Variants in TSGA13 observed in about 807,000 individuals in gnomAD.
TSGA13 encodes the protein testis-specific gene 13 protein.
A neutral mutation model predicts 35.1 loss-of-function variants in TSGA13; 37 were observed. The ratio of observed to expected loss-of-function variants is 1.05; its 90% CI spans 0.81 to 1.39. TSGA13 has a LOEUF of 1.39. TSGA13 is among the 40% of genes most tolerant of loss of function. The pLI is 0.00. For synonymous variants in TSGA13, 124 were observed against 121.2 expected (o/e 1.02, Z -0.15); for missense variants, 338 against 328.5 (o/e 1.03, Z -0.22).
At chr7:130,684,462 G>T (rs1208075566) in intron 2 of TSGA13, among the ~76,000 whole-genome samples, 1 of 152,184 alleles carries the variant, frequency 6.6e-6, no homozygotes, top group Non-Finnish European at 1.5e-5. Context: ...CTTCCTTGGA[G>T]ATAGTTCCAT....
At chr7:130,685,989 G>T (rs1187710990) in intron 1 of TSGA13, among the ~76,000 whole-genome samples, 1 of 152,122 alleles carries the variant, frequency 6.6e-6, no homozygotes, top group Non-Finnish European at 1.5e-5. Flanking sequence ...ATTTGTCGTT[G>T]TTAAGTAGGA....
Position 130,679,016 on chromosome 7 carries a change from G to C in TSGA13, c.387+139C>G, listed in dbSNP as rs1796474363. The C allele has an allele frequency of 4.7e-5, 33 of 699,590 alleles. No individual in the cohort carries two copies. The South Asian group carries it at 6.0e-4, about 13-fold the overall frequency. The allele number at this position is 699,590 out of a possible 1,614,324, so 43.3% of individuals were successfully genotyped here. A position where few individuals can be genotyped will look rare whatever the true frequency, so the allele number is the denominator to read the frequency against. ...CAGTCCGGCCTGGGTAACAGAGTGA[G>C]ACCCTATCTCAAACAAACAAACAAA... On this transcript the variant is annotated intron_variant, in intron 5 of 7. Transcript: ENST00000356588.
intron 4 of TSGA13, among the ~76,000 whole-genome samples, chr7:130,680,367 G>A (rs1270425775): frequency 6.6e-5 from 10 of 152,038 alleles, no homozygotes; most frequent in South Asian, 4.1e-4. Context: ...TTAGCCAGGC[G>A]TAGTGGGGGG....
chr7:130,677,075 G>A (rs1796429957), intron 5 of TSGA13, among the ~76,000 whole-genome samples: 1 of 152,004 alleles, frequency 6.6e-6, no homozygotes, highest in Non-Finnish European at 1.5e-5. Context: ...TGTATTTTTA[G>A]TAGAGACGGG....
In TSGA13 at chr7:130,672,789, T is replaced by C. The variant is rs1796310158; in HGVS notation, c.475A>G (p.Ile159Val). 2 of 1,614,122 alleles carry C rather than the reference T, an allele frequency of 1.2e-6. No homozygotes were observed. The highest frequency in any genetic ancestry group is 1.7e-6 in the Non-Finnish European group (2 of 1,179,980). The change falls in exon 6 of 8, where the codon ATC (isoleucine) becomes GTC (valine). Residue 159 changes from isoleucine (I) to valine (V), a missense_variant. Ile to Val is a conservative substitution (Grantham distance 29). Coordinates refer to ENST00000356588, the MANE Select transcript of TSGA13 (RefSeq NM_052933.4). ...KKKLRSKLKP[I>V]FPLILSDDPT... ...TCATCCGACAGTATCAAAGGGAAGA[T>C]TGGTTTCAGCTTAGATCTTAACTTT...
chr7:130,668,755 C>T lies in TSGA13; in HGVS notation c.*259G>A. 1.4e-6 allele frequency: 2 copies of T among 1,448,342 alleles called. No individual in the cohort carries two copies. Among genetic ancestry groups the T allele is most frequent in the South Asian group, 2.6e-5 (2 of 75,548 alleles). The allele number at this position is 1,448,342 out of a possible 1,614,324, so 89.7% of individuals were successfully genotyped here. ...CGGAAGAGGCTGCAGGAAGGCCGGC[C>T]CCGCGCTCTCACGCCGGTTGGGCCG... On this transcript the variant is annotated 3_prime_UTR_variant, in exon 8 of 8. Transcript: ENST00000356588.
chr7:130,684,947 T>G (rs1233587744), intron 2 of TSGA13, among the ~76,000 whole-genome samples: 1 of 152,210 alleles, frequency 6.6e-6, no homozygotes, highest in Non-Finnish European at 1.5e-5. Context: ...TAGAACTATA[T>G]GAAAAGCGCT....
At chr7:130,670,893 C>T (rs530033903) in intron 7 of TSGA13, among the ~76,000 whole-genome samples, 1 of 152,302 alleles carries the variant, frequency 6.6e-6, no homozygotes, top group East Asian at 1.9e-4. Context: ...TCCCAAACTG[C>T]TAGGATTACG....
intron 7 of TSGA13, among the ~76,000 whole-genome samples, chr7:130,670,336 AGAC>A (rs1554462778): frequency 6.6e-6 from 1 of 152,206 alleles, no homozygotes; most frequent in Non-Finnish European, 1.5e-5. Context: ...GATGGCTGGC[AGAC>A]GGGTTGAGCA....
At chr7:130,674,812 A>G (rs984618692) in intron 5 of TSGA13, among the ~76,000 whole-genome samples, 2 of 152,184 alleles carry the variant, frequency 1.3e-5, no homozygotes, top group African/African-American at 2.4e-5. Flanking sequence ...ATGTCTTTTC[A>G]ATTCTGAACT....
At chr7:130,679,817 C>T (rs868947063) in intron 4 of TSGA13, among the ~76,000 whole-genome samples, 82 of 152,292 alleles carry the variant, frequency 5.4e-4, no homozygotes, top group African/African-American at 1.7e-3. Flanking sequence ...AGTTATCACA[C>T]GCAGCCCTAA....
chr7:130,669,051 G>T lies in TSGA13; in HGVS notation c.791C>A (p.Pro264Gln). Residue 264 changes from proline to glutamine, a missense_variant, in exon 8 of 8, where the codon CCG (proline) becomes CAG (glutamine). Physicochemically the swap from Pro to Gln is moderately conservative, Grantham distance 76. Transcript: ENST00000356588. The part of the protein sequence containing the change: ...GESAFRNGRA[P>Q]QWIIKKATVI... ...CGTGGCCTTTTTGATAATCCACTGC[G>T]GGGCCCTCCCGTTGCGGAAGGCGCT... 6.2e-7 allele frequency: 1 copy of T among 1,614,178 alleles called. No individual in the cohort carries two copies. The highest frequency in any genetic ancestry group is 8.5e-7 in the Non-Finnish European group (1 of 1,180,034).
At position 130,671,792 on chromosome 7, in the gene TSGA13, A is replaced by T. The variant is rs781887243; in HGVS notation, c.531-4T>A. 1.9e-6 allele frequency: 3 copies of T among 1,573,946 alleles called. No individual in the cohort carries two copies. The highest frequency in any genetic ancestry group is 2.6e-6 in the Non-Finnish European group (3 of 1,155,798). ...GAAATCATTGTCAGTGGAAAACCTTAACAAAGAAAGTTCTTTGTTTAGTAG... is the reference window on the plus strand; with the variant it reads ...GAAATCATTGTCAGTGGAAAACCTTTACAAAGAAAGTTCTTTGTTTAGTAG... On this transcript the variant is annotated splice_region_variant and splice_polypyrimidine_tract_variant and intron_variant, in intron 6 of 7. Transcript: ENST00000356588.
chr7:130,678,457 TC>T (rs1473919055), intron 5 of TSGA13, among the ~76,000 whole-genome samples: 1 of 152,176 alleles, frequency 6.6e-6, no homozygotes, highest in Non-Finnish European at 1.5e-5. Context: ...TACTAAAGCA[TC>T]ATTCTTTACT....
chr7:130,685,534 A>G (rs964332451), intron 1 of TSGA13, among the ~76,000 whole-genome samples, 174 bp from the exon 2 acceptor site: 6 of 152,274 alleles, frequency 3.9e-5, no homozygotes, highest in African/African-American at 1.4e-4. Context: ...ATATTAGGTA[A>G]GTCACTTTAT....
At chr7:130,669,429 A>G (rs1292088277) in intron 7 of TSGA13, among the ~76,000 whole-genome samples, 9 of 152,238 alleles carry the variant, frequency 5.9e-5, no homozygotes, top group South Asian at 4.1e-4. Context: ...ATTTCTTTCA[A>G]TGATTCCATC....
chr7:130,677,281 AC>A (rs2116314678), intron 5 of TSGA13, among the ~76,000 whole-genome samples: 1 of 152,200 alleles, frequency 6.6e-6, no homozygotes, highest in South Asian at 2.1e-4. Context: ...TCTCACCTTG[AC>A]TATTTTAGTA....
At chr7:130,669,393 G>A (rs782065991) in intron 7 of TSGA13, among the ~76,000 whole-genome samples, 2 of 152,188 alleles carry the variant, frequency 1.3e-5, no homozygotes, top group Non-Finnish European at 2.9e-5. Flanking sequence ...TTCATTGCCA[G>A]TTTAGAGTCT....
At chr7:130,669,725 C>T (rs991663344) in intron 7 of TSGA13, among the ~76,000 whole-genome samples, 7 of 152,206 alleles carry the variant, frequency 4.6e-5, no homozygotes, top group East Asian at 1.9e-4. Flanking sequence ...TTAAGATGAA[C>T]TGTTGATATC....
Sources: allele counts gnomAD v4.1 joint callset (sites outside exome capture counted in the v4.1 genomes callset), GRCh38; gene constraint gnomAD v4.1.1; transcripts MANE v1.5; gene names NCBI Gene and HGNC (gene_info 2026-07-23, HGNC 2026-07-21).